PIK3C2G: variants seen among roughly 807,000 people sequenced by gnomAD.
The protein encoded by PIK3C2G is phosphatidylinositol-4-phosphate 3-kinase catalytic subunit type 2 gamma, also known as phosphatidylinositol 3-kinase C2 domain-containing subunit gamma.
A neutral mutation model predicts 181.1 loss-of-function variants in PIK3C2G; 168 were observed. That is an observed-to-expected ratio of 0.93 (90% confidence interval 0.82 to 1.05). The LOEUF (loss-of-function observed/expected upper bound fraction) is 1.05, where lower values mean the gene tolerates loss of function less well. Ranked by LOEUF, PIK3C2G falls within the 50% of genes least tolerant of loss-of-function variation. PIK3C2G has a pLI of 0.00. For synonymous variants in PIK3C2G, 573 were observed against 592.2 expected (o/e 0.97, Z 0.47); for missense variants, 1,869 against 1,732.8 (o/e 1.08, Z -1.40).
intron 1 of PIK3C2G, 110 bp from the exon 2 acceptor site, chr12:18,281,894 T>TA (rs544758886): frequency 1.0e-4 from 57 of 545,794 alleles, no homozygotes; most frequent in East Asian, 4.5e-4. Flanking sequence ...TTTCACTTGC[T>TA]AAAAAAAAGC....
chr12:18,572,518 T>A (rs1455266764), intron 29 of PIK3C2G, among the ~76,000 whole-genome samples: 1 of 151,306 alleles, frequency 6.6e-6, no homozygotes, highest in Non-Finnish European at 1.5e-5. Flanking sequence ...CTGATACATA[T>A]CTGGTTTTGT....
At chr12:18,338,217 G>A (rs1320702743) in intron 8 of PIK3C2G, among the ~76,000 whole-genome samples, 1 of 152,026 alleles carries the variant, frequency 6.6e-6, no homozygotes. Flanking sequence ...TTAGTGTTAA[G>A]TCAGTTCTAA....
intron 29 of PIK3C2G, among the ~76,000 whole-genome samples, chr12:18,588,946 A>G (rs1397991465): frequency 1.3e-5 from 2 of 152,104 alleles, no homozygotes; most frequent in Non-Finnish European, 2.9e-5. Flanking sequence ...CTTCAGGAAC[A>G]TGGATGGAGC....
At position 18,370,020 on chromosome 12, in the gene PIK3C2G, G is replaced by A. The variant is rs968924489; in HGVS notation, c.1749-1160G>A. On this transcript the variant is annotated intron_variant, in intron 12 of 32. Transcript: ENST00000538779. ...ATTGACATATGATCATATAACGATC[G>A]TATAATTGACATATGATCATATAAC... Among the ~76,000 whole-genome samples the A allele has an allele frequency of 1.1e-4, 17 of 147,952 alleles. No homozygotes were observed. In the South Asian group the frequency reaches 1.8e-3, roughly 15 times the overall value.
intron 1 of PIK3C2G, among the ~76,000 whole-genome samples, chr12:18,275,658 G>C (rs1948954849): frequency 6.6e-6 from 1 of 152,190 alleles, no homozygotes; most frequent in African/African-American, 2.4e-5. Flanking sequence ...TGGGATTACA[G>C]TCGTGGGCCA....
At chr12:18,467,713 A>G (rs542937431) in intron 18 of PIK3C2G, among the ~76,000 whole-genome samples, 45 of 152,068 alleles carry the variant, frequency 3.0e-4, no homozygotes, top group African/African-American at 9.9e-4. Context: ...GCCATCTCTA[A>G]AACTGCATCT....
chr12:18,659,503 G>A, the PIK3C2G span, among the ~76,000 whole-genome samples: 1 of 151,960 alleles, frequency 6.6e-6, no homozygotes, highest in Non-Finnish European at 1.5e-5. Context: ...TCAAAATCAG[G>A]AAATTACATA....
chr12:18,438,573 G>GA, intron 18 of PIK3C2G, among the ~76,000 whole-genome samples: 1 of 151,810 alleles, frequency 6.6e-6, no homozygotes, highest in East Asian at 1.9e-4. Flanking sequence ...CCATTTCTCT[G>GA]AAAAATATTA....
chr12:18,512,366 A>G (rs1942266124), intron 24 of PIK3C2G, among the ~76,000 whole-genome samples: 1 of 151,914 alleles, frequency 6.6e-6, no homozygotes, highest in African/African-American at 2.4e-5. Context: ...TCTGGTTTTT[A>G]TAGGAATTGC....
intron 18 of PIK3C2G, among the ~76,000 whole-genome samples, chr12:18,482,809 C>G (rs1017234753): frequency 1.3e-5 from 2 of 152,146 alleles, no homozygotes; most frequent in Non-Finnish European, 2.9e-5. Context: ...AAGTGGACAT[C>G]GTGGACTCAC....
At chr12:18,639,186 A>T (rs534031960) in intron 31 of PIK3C2G, among the ~76,000 whole-genome samples, 1 of 152,188 alleles carries the variant, frequency 6.6e-6, no homozygotes, top group Non-Finnish European at 1.5e-5. Flanking sequence ...TTATAATAAA[A>T]ACCCAAACTG....
chr12:18,551,275 C>T (rs1944714784), intron 26 of PIK3C2G, among the ~76,000 whole-genome samples: 2 of 152,016 alleles, frequency 1.3e-5, no homozygotes, highest in African/African-American at 4.8e-5. Flanking sequence ...TCTGCAGAGA[C>T]CACTGCTAGG....
chr12:18,482,424 T>C (rs1939652534), intron 18 of PIK3C2G, among the ~76,000 whole-genome samples: 2 of 152,094 alleles, frequency 1.3e-5, no homozygotes, highest in South Asian at 4.1e-4. Context: ...GGGGTTACCA[T>C]GGGTGAGTTC....
intron 13 of PIK3C2G, among the ~76,000 whole-genome samples, chr12:18,376,531 T>C (rs528380962): frequency 1.3e-3 from 191 of 152,330 alleles, no homozygotes; most frequent in Non-Finnish European, 2.2e-3. Flanking sequence ...TAGTTAATGC[T>C]GAAATGAGTT....
At chr12:18,487,547 T>C (rs1298773073) in intron 18 of PIK3C2G, among the ~76,000 whole-genome samples, 1 of 152,102 alleles carries the variant, frequency 6.6e-6, no homozygotes, top group Non-Finnish European at 1.5e-5. Flanking sequence ...TAGAGAGAAG[T>C]TAATGTGCAA....
rs184504024 is a variant in PIK3C2G at position 18,288,884 on chromosome 12, T to C, written c.761+1955T>C. On this transcript the variant is annotated intron_variant, in intron 3 of 32. Transcript: ENST00000538779. Reference sequence around the variant, plus strand: ...ATCGAAATACTTGATGTGATGATTTTCCAGTGACTTATAGTGCATTTTCCA... The same window carrying C: ...ATCGAAATACTTGATGTGATGATTTCCCAGTGACTTATAGTGCATTTTCCA... 7.2e-4 allele frequency among the ~76,000 whole-genome samples: 109 copies of C among 152,322 alleles called. 1 individual carries two copies. In the East Asian group the frequency reaches 0.019, roughly 27 times the overall value.
chr12:18,303,341 C>T (rs190725603), intron 5 of PIK3C2G, among the ~76,000 whole-genome samples: 3,687 of 144,188 alleles, frequency 0.026, 149 homozygotes, highest in African/African-American at 0.094. Context: ...CTCTCTCTTT[C>T]TTTCTTTCTT....
At chr12:18,278,177 T>C (rs963707631) in intron 1 of PIK3C2G, among the ~76,000 whole-genome samples, 2 of 152,226 alleles carry the variant, frequency 1.3e-5, no homozygotes, top group Non-Finnish European at 2.9e-5. Flanking sequence ...GTTTCAGTTC[T>C]GTAAGTCAGA....
intron 16 of PIK3C2G, among the ~76,000 whole-genome samples, chr12:18,405,397 G>GTGTTGTTGTTGTTGT (rs58282294): frequency 1.6e-4 from 22 of 139,880 alleles, no homozygotes; most frequent in South Asian, 6.9e-4. Flanking sequence ...AGCAACATTT[G>GTGTTGTTGTTGTTGT]TGTTGTTGTT....
Sources: gnomAD v4.1 joint callset for allele counts (sites outside exome capture counted in the v4.1 genomes callset) on GRCh38, gnomAD v4.1.1 for gene constraint, MANE v1.5 for transcripts, NCBI Gene and HGNC (gene_info 2026-07-23, HGNC 2026-07-21) for gene names.